Variants in FRAS1 observed in about 807,000 individuals in gnomAD.
FRAS1 encodes the protein Fraser extracellular matrix complex subunit 1.
FRAS1 carries 290 observed loss-of-function variants against 435.2 expected under a neutral mutation model. The ratio of observed to expected loss-of-function variants is 0.67; its 90% confidence interval spans 0.61 to 0.73. The LOEUF (loss-of-function observed/expected upper bound fraction) is 0.73, where lower values mean the gene tolerates loss of function less well. Among genes scored for constraint, FRAS1 ranks in the 30% least tolerant of loss-of-function variants. The pLI, the probability that FRAS1 is intolerant of heterozygous loss-of-function variation, is 0.00. For synonymous variants in FRAS1, 1,800 were observed against 1,851.0 expected (o/e 0.97, Z 0.71); for missense variants, 4,860 against 5,001.5 (o/e 0.97, Z 0.85).
intron 41 of FRAS1, 71 bp downstream of exon 41, chr4:78,441,368 A>G: frequency 7.1e-7 from 1 of 1,410,222 alleles, no homozygotes; most frequent in East Asian, 2.4e-5. Flanking sequence ...CCTTGCTTCC[A>G]GCTAAAGATG....
At chr4:78,188,271 A>G (rs965923596) in intron 2 of FRAS1, among the ~76,000 whole-genome samples, 1 of 150,888 alleles carries the variant, frequency 6.6e-6, no homozygotes, top group African/African-American at 2.5e-5. Flanking sequence ...AGGACAGTCT[A>G]TCTGTCTGTC....
intron 8 of FRAS1, 76 bp from the exon 9 acceptor site, chr4:78,267,165 G>T (rs1482029827): frequency 1.0e-5 from 15 of 1,448,200 alleles, no homozygotes; most frequent in Non-Finnish European, 1.9e-6. Flanking sequence ...GGTATTTTGG[G>T]TCCTCCTGCC....
intron 2 of FRAS1, among the ~76,000 whole-genome samples, chr4:78,226,522 CT>C (rs879360957): frequency 9.7e-4 from 138 of 142,048 alleles, no homozygotes; most frequent in Admixed American, 1.5e-3. Flanking sequence ...TGAGTTCCAT[CT>C]TTTTTTTTTT....
chr4:78,098,312 G>C (rs1240534556), intron 2 of FRAS1, among the ~76,000 whole-genome samples: 1 of 134,104 alleles, frequency 7.5e-6, no homozygotes. Flanking sequence ...CTCTCTCTCT[G>C]TTGCCCAGGC....
intron 6 of FRAS1, among the ~76,000 whole-genome samples, chr4:78,262,287 C>G (rs1726149261): frequency 6.6e-6 from 1 of 152,172 alleles, no homozygotes; most frequent in Non-Finnish European, 1.5e-5. Flanking sequence ...TCATCACTCC[C>G]TCTTCTTCCC....
intron 37 of FRAS1, among the ~76,000 whole-genome samples, chr4:78,430,753 G>C (rs776558004): frequency 1.4e-4 from 21 of 152,094 alleles, no homozygotes; most frequent in Non-Finnish European, 2.8e-4. Context: ...ACTGTTCATG[G>C]AGATGAATCG....
Position 78,353,868 on chromosome 4 carries a change from G to A in FRAS1, c.2423-9645G>A, listed in dbSNP as rs1730739161. 1.5e-4 allele frequency among the ~76,000 whole-genome samples: 2 copies of A among 13,750 alleles called. 1 individual carries two copies. Among genetic ancestry groups the A allele is most frequent in the African/African-American group, 2.0e-3 (2 of 996 alleles). 9.0% of individuals were successfully genotyped at this position (13,750 alleles called of 152,430 possible). On this transcript the variant is annotated intron_variant, in intron 20 of 73. Coordinates refer to ENST00000512123, the MANE Select transcript of FRAS1 (RefSeq NM_025074.7). ...TGTGGTGGGGTCAGGGGAGGGGGGA[G>A]GGATAGCATTGGGAGATATACCTAA...
At chr4:78,470,925 A>T (rs985004114) in intron 51 of FRAS1, among the ~76,000 whole-genome samples, 2 of 152,188 alleles carry the variant, frequency 1.3e-5, no homozygotes, top group African/African-American at 4.8e-5. Flanking sequence ...TAAATTGTTC[A>T]TATGGCCCAA....
intron 69 of FRAS1, among the ~76,000 whole-genome samples, chr4:78,523,349 C>T (rs1302521138): frequency 2.6e-5 from 4 of 152,126 alleles, no homozygotes; most frequent in Non-Finnish European, 5.9e-5. Flanking sequence ...TCAATTACAA[C>T]AACCAGTGCA....
intron 23 of FRAS1, among the ~76,000 whole-genome samples, chr4:78,372,157 T>G (rs181264474): frequency 6.6e-6 from 1 of 152,220 alleles, no homozygotes; most frequent in Non-Finnish European, 1.5e-5. Flanking sequence ...GCAACCTCTT[T>G]CTTTCTGGAC....
intron 39 of FRAS1, 31 bp downstream of exon 39, chr4:78,438,749 T>G: frequency 6.4e-7 from 1 of 1,552,268 alleles, no homozygotes; most frequent in Non-Finnish European, 8.7e-7. Flanking sequence ...ATTTGACAGA[T>G]TCTTAAAAAC....
rs1719764287 is a variant in FRAS1, at chr4:78,473,343, A to G, written c.7523-95A>G. The G allele has an allele frequency of 5.3e-6, 5 of 945,698 alleles. No individual in the cohort carries two copies. In the South Asian group the frequency reaches 9.8e-5, roughly 19 times the overall value. The allele number at this position is 945,698 out of a possible 1,614,324, so 58.6% of individuals were successfully genotyped here. A position where few individuals can be genotyped will look rare whatever the true frequency, so the allele number is the denominator to read the frequency against. ...TGGAAAAATAAGTTTTGTCTGTAAT[A>G]CATTAGAAGAATAAACTAGGTTTGT... is the stretch of plus-strand genomic sequence containing the variant. On this transcript the variant is annotated intron_variant, in intron 52 of 73. Coordinates refer to ENST00000512123, the MANE Select transcript of FRAS1 (RefSeq NM_025074.7).
intron 18 of FRAS1, among the ~76,000 whole-genome samples, chr4:78,326,480 A>C (rs1370575171): frequency 6.6e-6 from 1 of 152,170 alleles, no homozygotes; most frequent in African/African-American, 2.4e-5. Context: ...TAGTGAGTAA[A>C]GTTTTGGACT....
intron 70 of FRAS1, among the ~76,000 whole-genome samples, chr4:78,533,423 T>C (rs1290601316): frequency 2.0e-5 from 3 of 152,090 alleles, no homozygotes; most frequent in Non-Finnish European, 4.4e-5. Context: ...ATCCCAGAAA[T>C]GGAGGGAAGG....
chr4:78,423,328 G>A (rs371194482), intron 34 of FRAS1, among the ~76,000 whole-genome samples: 10 of 152,032 alleles, frequency 6.6e-5, no homozygotes, highest in African/African-American at 1.2e-4. Context: ...CACCACACCC[G>A]GCTAAGTTTT....
Position 78,158,928 on chromosome 4 carries a change from A to G in FRAS1, c.109-78582A>G, listed in dbSNP as rs1721008564. ...TTCAGTAGTGATGAAGAGTAGCCAC[A>G]TGCCATGATTGGAATCAATAGACAT... is the stretch of plus-strand genomic sequence containing the variant. On this transcript the variant is annotated intron_variant, in intron 2 of 73. Coordinates refer to ENST00000512123, the MANE Select transcript of FRAS1 (RefSeq NM_025074.7). Among the ~76,000 whole-genome samples the G allele has an allele frequency of 2.6e-5, 4 of 152,168 alleles. No homozygotes were observed. The South Asian group carries it at 8.3e-4, about 32-fold the overall frequency.
chr4:78,170,961 T>C (rs756717130), intron 2 of FRAS1, among the ~76,000 whole-genome samples: 26 of 151,926 alleles, frequency 1.7e-4, no homozygotes, highest in Non-Finnish European at 2.8e-4. Flanking sequence ...TTCCACTCTC[T>C]CTCTCTCAGT....
chr4:78,370,132 T>C (rs193186859), intron 23 of FRAS1, 148 bp downstream of exon 23: 7 of 664,954 alleles, frequency 1.1e-5, no homozygotes, highest in East Asian at 8.6e-5. Context: ...TGTATGTATA[T>C]ATTCATTAAT....
chr4:78,267,022 G>A (rs1726391979), intron 8 of FRAS1, 87 bp downstream of exon 8: 5 of 1,003,336 alleles, frequency 5.0e-6, no homozygotes, highest in East Asian at 2.6e-5. Context: ...GTCCTTTGGG[G>A]GAATCAAAAG....
Sources: allele counts gnomAD v4.1 joint callset (sites outside exome capture counted in the v4.1 genomes callset), GRCh38; gene constraint gnomAD v4.1.1; transcripts MANE v1.5; gene names NCBI Gene and HGNC (gene_info 2026-07-23, HGNC 2026-07-21).